The following C1GALT1 variants were observed in gnomAD, a reference collection of about 807,000 sequenced individuals.
C1GALT1 encodes core 1 synthase, glycoprotein-N-acetylgalactosamine 3-beta-galactosyltransferase 1, also known as glycoprotein-N-acetylgalactosamine 3-beta-galactosyltransferase 1.
In C1GALT1, 11 loss-of-function variants were observed where a neutral mutation model predicts 31.0. The ratio of observed to expected loss-of-function variants is 0.36; its 90% CI spans 0.22 to 0.59. The LOEUF (loss-of-function observed/expected upper bound fraction) is 0.59. C1GALT1 is among the 20% of genes least tolerant of loss of function. The probability of loss-of-function intolerance (pLI) is 0.79; values close to 1 mark genes in which losing one functional copy is unlikely to be tolerated. For synonymous variants in C1GALT1, 175 were observed against 143.6 expected (o/e 1.22, Z -1.56); for missense variants, 424 against 425.2 (o/e 1.00, Z 0.03).
chr7:7,187,281 ACT>A (rs930198968), intron 1 of C1GALT1, among the ~76,000 whole-genome samples: 7 of 150,002 alleles, frequency 4.7e-5, no homozygotes, highest in African/African-American at 1.7e-4. Context: ...ACGGAGTCTC[ACT>A]CTGTCGCCCA....
intron 1 of C1GALT1, among the ~76,000 whole-genome samples, chr7:7,209,228 C>A (rs1374893254): frequency 6.6e-6 from 1 of 152,156 alleles, no homozygotes; most frequent in African/African-American, 2.4e-5. Context: ...GAAACGTGAC[C>A]TTCCATTATA....
chr7:7,163,390 C>G (rs1024146953), intron 2 of C1GALT1, among the ~76,000 whole-genome samples: 1 of 152,166 alleles, frequency 6.6e-6, no homozygotes, highest in Admixed American at 6.5e-5. Context: ...GAAGCATTCC[C>G]TTTGAAAACT....
At chr7:7,190,798 G>A (rs189952206) in intron 1 of C1GALT1, among the ~76,000 whole-genome samples, 71 of 152,106 alleles carry the variant, frequency 4.7e-4, no homozygotes, top group Admixed American at 4.4e-3. Context: ...CCCCTTTCCA[G>A]AATTTCCCAG....
intron 1 of C1GALT1, among the ~76,000 whole-genome samples, chr7:7,201,116 T>C (rs1348532714): frequency 6.6e-6 from 1 of 152,240 alleles, no homozygotes; most frequent in Non-Finnish European, 1.5e-5. Context: ...TGCTCTGGTT[T>C]CTCCCCATCT....
Position 7,245,259 on chromosome 7 carries a change from C to T in C1GALT1, c.*1532C>T, listed in dbSNP as rs73049979. 0.16 allele frequency: 23,863 copies of T among 152,244 alleles called. 2,585 individuals are homozygous for T. Among genetic ancestry groups the T allele is most frequent in the Admixed American group, 0.32 (4,815 of 15,276 alleles). 9.4% of individuals were successfully genotyped at this position (152,244 alleles called of 1,614,324 possible). A position where few individuals can be genotyped will look rare whatever the true frequency, so the allele number is the denominator to read the frequency against. ...TTCGGAGACTGTCTCACTCTGTCTC[C>T]CAGGCTGGACTGCAGTGGTGCGATT... On this transcript the variant is annotated 3_prime_UTR_variant, in exon 4 of 4. Transcript: ENST00000436587.
chr7:7,185,856 A>T (rs10242378), intron 1 of C1GALT1, among the ~76,000 whole-genome samples: 13,905 of 152,322 alleles, frequency 0.091, 792 homozygotes, highest in East Asian at 0.16. Flanking sequence ...GTAAATGTTT[A>T]GCATTATAGA....
In C1GALT1 at chr7:7,184,369, C is replaced by G. The variant is rs549723470; in HGVS notation, c.-18+1549C>G. On this transcript the variant is annotated intron_variant, in intron 1 of 3. Transcript: ENST00000436587. ...ATGTGTATTTTTTTGTATCTTCCTA[C>G]TTAGGATTAAGCATTTTAGAAATAT... Among the ~76,000 whole-genome samples the G allele has an allele frequency of 3.3e-5, 5 of 152,274 alleles. No homozygotes were observed. The South Asian group carries it at 1.0e-3, about 32-fold the overall frequency.
At chr7:7,199,771 A>G (rs1781457355) in intron 1 of C1GALT1, among the ~76,000 whole-genome samples, 1 of 152,182 alleles carries the variant, frequency 6.6e-6, no homozygotes, top group Non-Finnish European at 1.5e-5. Flanking sequence ...TTTTTGTTGA[A>G]TTGATCCCTG....
At position 7,247,150 on chromosome 7, in the gene C1GALT1, A is replaced by G. The variant is rs1038289631; in HGVS notation, c.*3423A>G. ...TTTTATAACATACATTTTTCTGCTA[A>G]TTCATTCTGTTTTGTGTGACCTAAT... is the stretch of plus-strand genomic sequence containing the variant. On this transcript the variant is annotated 3_prime_UTR_variant, in exon 4 of 4. Transcript: ENST00000436587. 1.3e-5 allele frequency: 2 copies of G among 152,194 alleles called. No homozygotes were observed. The highest frequency in any genetic ancestry group is 2.1e-4 in the South Asian group (1 of 4,832). 9.4% of individuals were successfully genotyped at this position (152,194 alleles called of 1,614,324 possible).
chr7:7,201,662 A>T, intron 1 of C1GALT1, among the ~76,000 whole-genome samples: 1 of 152,144 alleles, frequency 6.6e-6, no homozygotes, highest in East Asian at 1.9e-4. Context: ...GGCCAGTGCC[A>T]CTCCCAAGGT....
intron 1 of C1GALT1, among the ~76,000 whole-genome samples, chr7:7,215,137 G>A (rs1437640475): frequency 2.0e-5 from 3 of 152,174 alleles, no homozygotes; most frequent in African/African-American, 4.8e-5. Context: ...TCCCAAGGAC[G>A]TGAAACAAGA....
intron 1 of C1GALT1, among the ~76,000 whole-genome samples, chr7:7,212,483 T>G (rs7790219): frequency 0.73 from 110,828 of 152,066 alleles, 41,884 homozygotes; most frequent in East Asian, 0.94. Context: ...GTAATTACAG[T>G]TAGTCTCCAA....
intron 1 of C1GALT1, among the ~76,000 whole-genome samples, chr7:7,213,035 A>G (rs183977858): frequency 1.2e-4 from 19 of 152,342 alleles, no homozygotes; most frequent in Admixed American, 1.2e-3. Context: ...AGGATCAACA[A>G]TATTCCAAGC....
At chr7:7,219,810 G>A (rs141085162) in intron 1 of C1GALT1, among the ~76,000 whole-genome samples, 11 of 151,936 alleles carry the variant, frequency 7.2e-5, no homozygotes, top group African/African-American at 2.4e-4. Flanking sequence ...TAATAACATT[G>A]TCTATAAAAT....
intron 1 of C1GALT1, among the ~76,000 whole-genome samples, chr7:7,203,383 A>C (rs1218233334): frequency 6.6e-6 from 1 of 151,946 alleles, no homozygotes; most frequent in Admixed American, 6.5e-5. Flanking sequence ...GTTTCTCGTG[A>C]GTGTTTATAT....
At chr7:7,180,389 C>CT (rs1362253488), upstream of C1GALT1, among the ~76,000 whole-genome samples, 2 of 152,132 alleles carry the variant, frequency 1.3e-5, no homozygotes, top group Non-Finnish European at 2.9e-5. Flanking sequence ...TCATCAGAGA[C>CT]TTTTTTTATG....
At chr7:7,223,877 A>G (rs1182141274) in intron 1 of C1GALT1, among the ~76,000 whole-genome samples, 1 of 152,180 alleles carries the variant, frequency 6.6e-6, no homozygotes, top group Non-Finnish European at 1.5e-5. Context: ...GTCTTTTACC[A>G]TTAAGTGTAC....
chr7:7,233,736 A>AG (rs1783199406), intron 1 of C1GALT1, among the ~76,000 whole-genome samples: 1 of 152,266 alleles, frequency 6.6e-6, no homozygotes, highest in Non-Finnish European at 1.5e-5. Flanking sequence ...AACAGGTAGC[A>AG]GGCCAGGTTT....
chr7:7,180,214 C>G (rs1780554900), upstream of C1GALT1, among the ~76,000 whole-genome samples: 1 of 152,200 alleles, frequency 6.6e-6, no homozygotes, highest in African/African-American at 2.4e-5. Context: ...ATGGGAGAAT[C>G]TGGTCAGTTT....
Sources: allele counts gnomAD v4.1 joint callset (sites outside exome capture counted in the v4.1 genomes callset), GRCh38; gene constraint gnomAD v4.1.1; transcripts MANE v1.5; gene names NCBI Gene and HGNC (gene_info 2026-07-23, HGNC 2026-07-21).